NAA30: variants seen among roughly 807,000 people sequenced by gnomAD.
The protein encoded by NAA30 is N-alpha-acetyltransferase 30.
In NAA30, 5 loss-of-function variants were observed where a neutral mutation model predicts 31.4. That is an observed-to-expected ratio of 0.16 (90% CI 0.08 to 0.33). NAA30 has a LOEUF of 0.33. NAA30 is among the 10% of genes least tolerant of loss of function. The pLI, the probability that NAA30 is intolerant of heterozygous loss-of-function variation, is 1.00. For missense variants in NAA30, 428 were observed against 490.8 expected (o/e 0.87, Z 1.21); for synonymous variants, 222 against 207.1 (o/e 1.07, Z -0.62).
At position 57,411,527 on chromosome 14, in the gene NAA30, GTAGATAGA is replaced by G. The variant is rs1205478382; in HGVS notation, c.*2013_*2020del. 6.6e-6 allele frequency: 1 copy of G among 152,158 alleles called. No individual in the cohort carries two copies. Among genetic ancestry groups the G allele is most frequent in the East Asian group, 1.9e-4 (1 of 5,198 alleles). 9.4% of individuals were successfully genotyped at this position (152,158 alleles called of 1,614,324 possible). On this transcript the variant is annotated 3_prime_UTR_variant, in exon 5 of 5. Transcript: ENST00000556492. ...AATCACTAATAGGGATGGTTGTAAA[GTAGATAGA>G]TCATTGGTTCAACCATTTTAGTGTT...
rs1014814815 is a variant in NAA30, at chr14:57,410,348, A to T, written c.*832A>T. The T allele has an allele frequency of 6.6e-6, 1 of 152,604 alleles. No homozygotes were observed. Among genetic ancestry groups the T allele is most frequent in the Non-Finnish European group, 1.5e-5 (1 of 68,010 alleles). 9.5% of individuals were successfully genotyped at this position (152,604 alleles called of 1,614,324 possible). On this transcript the variant is annotated 3_prime_UTR_variant, in exon 5 of 5. Transcript: ENST00000556492. ...AGAAATGGCTCAAAAGAGATAAGAA[A>T]AGTTGATGGAGCCGGGAATTGCTGG... is the stretch of plus-strand genomic sequence containing the variant.
In NAA30 at chr14:57,413,168, C is replaced by G. The variant is rs1202774578; in HGVS notation, c.*3652C>G. ...ACACCAAAGTAAAATAGAGCAATAT[C>G]CAAAGAGCTTTTTGCCCCTGTCTTG... On this transcript the variant is annotated 3_prime_UTR_variant, in exon 5 of 5. Coordinates refer to ENST00000556492, the MANE Select transcript of NAA30 (RefSeq NM_001011713.3). 1.4e-5 allele frequency: 2 copies of G among 139,884 alleles called. No homozygotes were observed. Among genetic ancestry groups the G allele is most frequent in the Non-Finnish European group, 3.1e-5 (2 of 63,964 alleles). The allele number at this position is 139,884 out of a possible 1,614,324, so 8.7% of individuals were successfully genotyped here. A position where few individuals can be genotyped will look rare whatever the true frequency, so the allele number is the denominator to read the frequency against.
At position 57,390,991 on chromosome 14, in the gene NAA30, C is replaced by T; in HGVS notation, c.34C>T (p.Leu12Phe). ...AEVPPGPSSL[L>F]PPPAPPAPAA... Reference sequence around the variant, plus strand: ...GGTACCGCCTGGGCCTAGCAGCCTCCTCCCACCACCAGCACCTCCGGCCCC... The same window carrying T: ...GGTACCGCCTGGGCCTAGCAGCCTCTTCCCACCACCAGCACCTCCGGCCCC... The change falls in exon 2 of 5, where the codon CTC (leucine) becomes TTC (phenylalanine). Residue 12 changes from leucine to phenylalanine, a missense_variant. By Grantham distance (22) the Leu-to-Phe change is conservative. This residue lies in a region of NAA30 where 349 missense variants were observed against 310.4 expected (regional missense o/e 1.12). Transcript: ENST00000556492. The T allele has an allele frequency of 1.3e-6, 2 of 1,494,722 alleles. No individual in the cohort carries two copies. Among genetic ancestry groups the T allele is most frequent in the Admixed American group, 2.5e-5 (1 of 40,014 alleles). The allele number at this position is 1,494,722 out of a possible 1,614,324, so 92.6% of individuals were successfully genotyped here.
Position 57,391,202 on chromosome 14 carries a change from A to C in NAA30, c.245A>C (p.Gln82Pro). ...TGCCCTCAGCCGCCGCAGGAGCAGCAGCAGCTCAACGGATTGATTAGCCCC... is the reference window on the plus strand; with the variant it reads ...TGCCCTCAGCCGCCGCAGGAGCAGCCGCAGCTCAACGGATTGATTAGCCCC... ...LRCPQPPQEQ[Q>P]QLNGLISPEL... is the part of the protein sequence containing the mutation. Residue 82 changes from glutamine (Q) to proline (P), a missense_variant, in exon 2 of 5, where the codon CAG becomes CCG. By Grantham distance (76) the Gln-to-Pro change is moderately conservative. This residue lies in a region of NAA30 where 349 missense variants were observed against 310.4 expected (regional missense o/e 1.12). Transcript: ENST00000556492. This position sits in a 1 kb window ranked among gnomAD's most constrained non-coding sequence, Gnocchi z 4.1. 1 of 1,611,796 alleles carries C rather than the reference A, an allele frequency of 6.2e-7. No individual in the cohort carries two copies. The highest frequency in any genetic ancestry group is 2.2e-5 in the East Asian group (1 of 44,844).
chr14:57,395,284 A>G (rs1184255270), intron 2 of NAA30, among the ~76,000 whole-genome samples: 1 of 152,174 alleles, frequency 6.6e-6, no homozygotes, highest in Non-Finnish European at 1.5e-5. Context: ...ATGGATTAGA[A>G]TTATCTTGCT....
Sources: gnomAD v4.1 joint callset for allele counts (sites outside exome capture counted in the v4.1 genomes callset) on GRCh38, gnomAD v4.1.1 for gene constraint, gnomAD v4.1.1 regional missense constraint, Gnocchi (gnomAD v3.1) non-coding constraint, MANE v1.5 for transcripts, NCBI Gene and HGNC (gene_info 2026-07-23, HGNC 2026-07-21) for gene names.